Variants in BRD7 observed in about 807,000 individuals in gnomAD.
BRD7 encodes the protein bromodomain-containing protein 7.
BRD7 carries 15 observed loss-of-function variants against 82.1 expected under a neutral mutation model. The ratio of observed to expected loss-of-function variants is 0.18; its 90% CI spans 0.12 to 0.28. BRD7 has a LOEUF of 0.28. Among genes scored for constraint, BRD7 ranks in the 10% least tolerant of loss-of-function variants. The pLI is 1.00. For synonymous variants in BRD7, 232 were observed against 266.9 expected (o/e 0.87, Z 1.27); for missense variants, 638 against 779.9 (o/e 0.82, Z 2.17).
At chr16:50,354,314 A>T in intron 4 of BRD7, 111 bp downstream of exon 4, 1 of 881,074 alleles carries the variant, frequency 1.1e-6, no homozygotes. Context: ...CAAAATATTT[A>T]TCATTCACTT....
In BRD7 at chr16:50,339,150, A is replaced by G. The variant is rs2037941210; in HGVS notation, c.702+826T>C. 2.6e-5 allele frequency among the ~76,000 whole-genome samples: 4 copies of G among 152,250 alleles called. 1 individual carries two copies. On this transcript the variant is annotated intron_variant, in intron 6 of 16. Transcript: ENST00000394688. ...CCTACGCACACACTTCTCTGACCTCAAATGACTTACTATGCACTAATTCTT... is the reference window on the plus strand; with the variant it reads ...CCTACGCACACACTTCTCTGACCTCGAATGACTTACTATGCACTAATTCTT...
chr16:50,348,679 G>A (rs1430122203), intron 5 of BRD7, among the ~76,000 whole-genome samples: 2 of 152,194 alleles, frequency 1.3e-5, no homozygotes, highest in South Asian at 2.1e-4. Context: ...CTGGCAGTCG[G>A]AGAAATGCAA....
At chr16:50,335,068 C>T (rs772624973) in intron 6 of BRD7, among the ~76,000 whole-genome samples, 173 bp from the exon 7 acceptor site, 6 of 152,162 alleles carry the variant, frequency 3.9e-5, no homozygotes, top group Non-Finnish European at 7.3e-5. Context: ...ATAATGCCTA[C>T]ACCTTCAATT....
chr16:50,354,944 A>G, intron 2 of BRD7, 22 bp from the exon 3 acceptor site: 1 of 1,607,002 alleles, frequency 6.2e-7, no homozygotes, highest in Non-Finnish European at 8.5e-7. Flanking sequence ...AAAGGGAGAT[A>G]ATTTAGAAAT....
intron 5 of BRD7, among the ~76,000 whole-genome samples, chr16:50,341,358 A>T (rs1043833761): frequency 6.6e-6 from 1 of 152,116 alleles, no homozygotes; most frequent in African/African-American, 2.4e-5. Flanking sequence ...AAGAATTACT[A>T]GGCTGGGCAT....
intron 2 of BRD7, among the ~76,000 whole-genome samples, chr16:50,357,840 G>A (rs2038795673): frequency 6.6e-6 from 1 of 152,082 alleles, no homozygotes; most frequent in African/African-American, 2.4e-5. Context: ...AATCCGCTGC[G>A]GGTGGTGGTG....
chr16:50,354,668 TGA>T, intron 3 of BRD7, 123 bp downstream of exon 3: 1 of 1,344,330 alleles, frequency 7.4e-7, no homozygotes, highest in Non-Finnish European at 1.0e-6. Flanking sequence ...TTATGCAGTT[TGA>T]GAGAAAAAAC....
chr16:50,320,125 A>G (rs2037027856), intron 15 of BRD7, 95 bp from the exon 16 acceptor site: 1 of 1,493,346 alleles, frequency 6.7e-7, no homozygotes, highest in Non-Finnish European at 9.0e-7. Context: ...AAAGAAAACA[A>G]AACAAAAAAA....
intron 2 of BRD7, among the ~76,000 whole-genome samples, chr16:50,367,162 A>G (rs2039178758): frequency 6.6e-6 from 1 of 152,220 alleles, no homozygotes; most frequent in South Asian, 2.1e-4. Context: ...TACCTTCACA[A>G]TAATTGATGT....
chr16:50,346,601 CA>C (rs2038293711), intron 5 of BRD7, among the ~76,000 whole-genome samples: 1 of 152,168 alleles, frequency 6.6e-6, no homozygotes, highest in Non-Finnish European at 1.5e-5. Context: ...ACTGATCCCA[CA>C]GAAATAGAAA....
rs910569399 is a variant in BRD7, at chr16:50,338,342, G to A, written c.702+1634C>T. On this transcript the variant is annotated intron_variant, in intron 6 of 16. Coordinates refer to ENST00000394688, the MANE Select transcript of BRD7 (RefSeq NM_013263.5). ...GGAACCAAAGTTGTCTAAATATTAG[G>A]AGCGCAAGAATAATCAACAATCCAA... Among the ~76,000 whole-genome samples, 4 of 152,270 alleles carry A rather than the reference G, an allele frequency of 2.6e-5. 1 individual carries two copies. In the South Asian group the frequency reaches 8.3e-4, roughly 32 times the overall value.
chr16:50,342,549 T>C (rs1471071459), intron 5 of BRD7, among the ~76,000 whole-genome samples: 1 of 141,752 alleles, frequency 7.1e-6, no homozygotes, highest in Non-Finnish European at 1.5e-5. Context: ...GCCTCCCGAG[T>C]AGCTGGGACT....
chr16:50,329,294 T>G (rs903866562), intron 8 of BRD7, among the ~76,000 whole-genome samples: 1 of 152,048 alleles, frequency 6.6e-6, no homozygotes, highest in Non-Finnish European at 1.5e-5. Flanking sequence ...CCCCAGTCTA[T>G]CAAAAAAGGC....
At position 50,322,019 on chromosome 16, in the gene BRD7, C is replaced by G; in HGVS notation, c.1463G>C (p.Gly488Ala). ...EMEMSLPEDEGHTRTLDTAKE... is the reference protein window; with the variant it reads ...EMEMSLPEDEAHTRTLDTAKE... Reference sequence around the variant, plus strand: ...TGCTGTGTCAAGTGTCCTAGTATGGCCTTCATCTTCAGGCAATGACTATAA... The same window carrying G: ...TGCTGTGTCAAGTGTCCTAGTATGGGCTTCATCTTCAGGCAATGACTATAA... The change falls in exon 13 of 17, where the codon GGC becomes GCC. Residue 488 changes from glycine to alanine, a missense_variant. By Grantham distance (60) the Gly-to-Ala change is moderately conservative. Around this residue, in one of 3 missense-constraint regions of BRD7, gnomAD observed 402 missense variants for 500.8 expected, o/e 0.80. Coordinates refer to ENST00000394688, the MANE Select transcript of BRD7 (RefSeq NM_013263.5). The G allele has an allele frequency of 6.2e-7, 1 of 1,610,856 alleles. No individual in the cohort carries two copies.
chr16:50,316,703 T>TA lies in BRD7; in HGVS notation c.*2507dup, dbSNP rs761432920. 6.6e-6 allele frequency: 1 copy of TA among 152,352 alleles called. No homozygotes were observed. The highest frequency in any genetic ancestry group is 1.5e-5 in the Non-Finnish European group (1 of 68,048). The allele number at this position is 152,352 out of a possible 1,614,324, so 9.4% of individuals were successfully genotyped here. A position where few individuals can be genotyped will look rare whatever the true frequency, so the allele number is the denominator to read the frequency against. On this transcript the variant is annotated 3_prime_UTR_variant, in exon 17 of 17. Transcript: ENST00000394688. The stretch of plus-strand genomic sequence containing the variant: ...AAAGCCAGGTTTTGGGGATGTGTCT[T>TA]ACTGTGCTTCAACTTCCCAAGGAAT...
intron 5 of BRD7, among the ~76,000 whole-genome samples, chr16:50,342,970 A>G (rs1264695556): frequency 6.6e-6 from 1 of 152,170 alleles, no homozygotes; most frequent in Admixed American, 6.5e-5. Flanking sequence ...CTCATCTATA[A>G]TAGGTATATA....
intron 10 of BRD7, among the ~76,000 whole-genome samples, 187 bp from the exon 11 acceptor site, chr16:50,326,070 G>A (rs1343282269): frequency 6.6e-6 from 1 of 151,876 alleles, no homozygotes; most frequent in African/African-American, 2.4e-5. Flanking sequence ...CCCTACAAGG[G>A]AGAGGGAGAG....
intron 2 of BRD7, among the ~76,000 whole-genome samples, chr16:50,362,491 T>C (rs189318336): frequency 1.3e-3 from 203 of 152,230 alleles, no homozygotes; most frequent in African/African-American, 4.6e-3. Flanking sequence ...GAAGAGAACT[T>C]TGTACAATTC....
In BRD7 at chr16:50,317,398, T is replaced by G. The variant is rs1172309422; in HGVS notation, c.*1813A>C. The G allele has an allele frequency of 4.0e-5, 6 of 150,484 alleles. No homozygotes were observed. The highest frequency in any genetic ancestry group is 1.5e-4 in the African/African-American group (6 of 39,706). 9.3% of individuals were successfully genotyped at this position (150,484 alleles called of 1,614,324 possible). A position where few individuals can be genotyped will look rare whatever the true frequency, so the allele number is the denominator to read the frequency against. ...GTGACCAGGGCTGCCCGGCGGGGGC[T>G]CTCCTGGCAAGTCAGGAAGGTTTCT... On this transcript the variant is annotated 3_prime_UTR_variant, in exon 17 of 17. Transcript: ENST00000394688.
Sources: allele counts gnomAD v4.1 joint callset (sites outside exome capture counted in the v4.1 genomes callset), GRCh38; gene constraint gnomAD v4.1.1; regional missense constraint gnomAD v4.1.1; transcripts MANE v1.5; gene names NCBI Gene and HGNC (gene_info 2026-07-23, HGNC 2026-07-21).